Variants in AUTS2 observed in about 807,000 individuals in gnomAD.
AUTS2 encodes autism susceptibility gene 2 protein.
In AUTS2, 17 loss-of-function variants were observed where a neutral mutation model predicts 112.4. The ratio of observed to expected loss-of-function variants is 0.15; its 90% CI spans 0.10 to 0.23. The LOEUF (loss-of-function observed/expected upper bound fraction) is 0.23, where lower values mean the gene tolerates loss of function less well. Ranked by LOEUF, AUTS2 falls within the 10% of genes least tolerant of loss-of-function variation. The pLI is 1.00. For synonymous variants in AUTS2, 751 were observed against 702.7 expected (o/e 1.07, Z -1.09); for missense variants, 1,510 against 1,701.6 (o/e 0.89, Z 1.98).
At chr7:70,588,981 A>G (rs1486857825) in intron 5 of AUTS2, among the ~76,000 whole-genome samples, 1 of 152,198 alleles carries the variant, frequency 6.6e-6, no homozygotes, top group Non-Finnish European at 1.5e-5. Flanking sequence ...CGATCTATAT[A>G]TCAGGGGTTA....
rs114641014 is a variant in AUTS2 at position 70,766,787 on chromosome 7, T to A, written c.1689+453T>A. Among the ~76,000 whole-genome samples the A allele has an allele frequency of 2.0e-5, 3 of 152,320 alleles. No individual in the cohort carries two copies. Among genetic ancestry groups the A allele is most frequent in the African/African-American group, 7.2e-5 (3 of 41,570 alleles). The stretch of plus-strand genomic sequence containing the variant: ...CCTCTGCCAGGAGGCTGGGACTGCA[T>A]TGGGTGCCACCTGTGCATTCCGATG... On this transcript the variant is annotated intron_variant, in intron 9 of 18. Transcript: ENST00000342771. This position sits in a 1 kb window ranked among gnomAD's most constrained non-coding sequence, Gnocchi z 4.8.
intron 5 of AUTS2, among the ~76,000 whole-genome samples, chr7:70,594,811 A>G (rs2129528958): frequency 6.6e-6 from 1 of 152,320 alleles, no homozygotes; most frequent in South Asian, 2.1e-4. Context: ...AAGAATTATT[A>G]CTAGCTGAGG....
intron 1 of AUTS2, among the ~76,000 whole-genome samples, chr7:69,896,282 C>T (rs776729338): frequency 7.2e-5 from 11 of 152,238 alleles, no homozygotes; most frequent in East Asian, 1.9e-4. Flanking sequence ...TGGCCATGTG[C>T]GCTTGCTTTG....
intron 1 of AUTS2, among the ~76,000 whole-genome samples, chr7:69,863,475 A>G (rs1340589790): frequency 3.3e-5 from 5 of 152,294 alleles, no homozygotes; most frequent in African/African-American, 4.8e-5. Context: ...ATATAAATAT[A>G]TAGGCCAGAG....
chr7:70,095,218 A>G (rs1039125761), intron 2 of AUTS2, among the ~76,000 whole-genome samples: 9 of 152,216 alleles, frequency 5.9e-5, no homozygotes, highest in African/African-American at 2.2e-4. Context: ...ATGAAAAGCA[A>G]TCACTAATAA....
intron 4 of AUTS2, among the ~76,000 whole-genome samples, chr7:70,317,713 A>G (rs1161727921): frequency 6.6e-6 from 1 of 152,302 alleles, no homozygotes; most frequent in Middle Eastern, 3.4e-3. Flanking sequence ...AGGCTGGCAC[A>G]TTGCCTGACT....
chr7:70,479,709 G>A (rs868384833), intron 5 of AUTS2, among the ~76,000 whole-genome samples: 59 of 152,128 alleles, frequency 3.9e-4, no homozygotes, highest in African/African-American at 1.3e-3. Flanking sequence ...TTTTGCCTCC[G>A]GAACTCTTCT....
chr7:70,134,778 A>G (rs1279435765), intron 4 of AUTS2, among the ~76,000 whole-genome samples: 2 of 152,170 alleles, frequency 1.3e-5, no homozygotes, highest in African/African-American at 4.8e-5. Flanking sequence ...AGTCCGAGGT[A>G]TATACCTGGT....
intron 1 of AUTS2, among the ~76,000 whole-genome samples, chr7:69,831,771 A>C (rs1030883138): frequency 6.6e-6 from 1 of 152,190 alleles, no homozygotes; most frequent in African/African-American, 2.4e-5. Context: ...AATAAACCTC[A>C]GAGGGCTTCC....
intron 1 of AUTS2, among the ~76,000 whole-genome samples, chr7:69,754,073 G>C (rs573467567): frequency 2.0e-5 from 3 of 152,164 alleles, no homozygotes; most frequent in Non-Finnish European, 4.4e-5. Flanking sequence ...GCTGCCTACT[G>C]TGTGGTTTTG....
intron 1 of AUTS2, among the ~76,000 whole-genome samples, chr7:69,711,467 A>G (rs1244118078): frequency 1.3e-5 from 2 of 152,128 alleles, no homozygotes; most frequent in Non-Finnish European, 2.9e-5. Context: ...ATTGGGCAAA[A>G]TATTAGAATT....
intron 1 of AUTS2, among the ~76,000 whole-genome samples, chr7:69,873,997 G>A (rs546194563): frequency 6.6e-6 from 1 of 152,188 alleles, no homozygotes; most frequent in African/African-American, 2.4e-5. Flanking sequence ...GTTTTGTTAA[G>A]GATAATGGAA....
rs558992582 is a variant in AUTS2 at position 70,620,439 on chromosome 7, C to T, written c.691-78130C>T. On this transcript the variant is annotated intron_variant, in intron 5 of 18. Transcript: ENST00000342771. ...GCTGAAGACCACATCTTATGGGCAT[C>T]GGTGTGCAGTAGGCGCTCAGTCACA... 4.6e-5 allele frequency among the ~76,000 whole-genome samples: 7 copies of T among 152,182 alleles called. No homozygotes were observed. In the South Asian group the frequency reaches 1.5e-3, roughly 32 times the overall value.
At chr7:70,452,088 G>A (rs1400758317) in intron 5 of AUTS2, among the ~76,000 whole-genome samples, 2 of 152,166 alleles carry the variant, frequency 1.3e-5, no homozygotes, top group Non-Finnish European at 2.9e-5. Context: ...GTTTACTAAT[G>A]CTTCTAAGCT....
At chr7:69,879,659 A>G (rs1584383070) in intron 1 of AUTS2, among the ~76,000 whole-genome samples, 2 of 152,308 alleles carry the variant, frequency 1.3e-5, no homozygotes, top group African/African-American at 2.4e-5. Flanking sequence ...GGTAAATACT[A>G]TTATCATCCC....
intron 2 of AUTS2, among the ~76,000 whole-genome samples, chr7:69,937,718 C>T (rs1365701831): frequency 6.6e-6 from 1 of 152,152 alleles, no homozygotes; most frequent in Non-Finnish European, 1.5e-5. Context: ...AACAATGTTT[C>T]CCCTCAGGAA....
At chr7:70,698,535 T>C (rs753881389) in intron 5 of AUTS2, 34 bp from the exon 6 acceptor site, 3 of 1,569,386 alleles carry the variant, frequency 1.9e-6, no homozygotes, top group Non-Finnish European at 2.6e-6. Context: ...TTAATGACAA[T>C]AATAATGCTT....
chr7:70,542,837 T>A (rs1272842693), intron 5 of AUTS2, among the ~76,000 whole-genome samples: 1 of 152,116 alleles, frequency 6.6e-6, no homozygotes, highest in Non-Finnish European at 1.5e-5. Flanking sequence ...TTCAGATTTC[T>A]TTTCTTCTTA....
chr7:70,493,147 G>A (rs980439039), intron 5 of AUTS2, among the ~76,000 whole-genome samples: 3 of 152,128 alleles, frequency 2.0e-5, no homozygotes, highest in Non-Finnish European at 4.4e-5. Context: ...AAAATTCAGG[G>A]AGGCATGTGT....
Sources: allele counts gnomAD v4.1 joint callset (sites outside exome capture counted in the v4.1 genomes callset), GRCh38; gene constraint gnomAD v4.1.1; non-coding constraint Gnocchi (gnomAD v3.1); transcripts MANE v1.5; gene names NCBI Gene and HGNC (gene_info 2026-07-23, HGNC 2026-07-21).